Variants in OPHN1 observed in about 807,000 individuals in gnomAD.
OPHN1 encodes oligophrenin 1.
Under a neutral mutation model 60.7 loss-of-function variants are expected in OPHN1, and 11 were observed. That is an observed-to-expected ratio of 0.18 (90% CI 0.11 to 0.30). The LOEUF (loss-of-function observed/expected upper bound fraction) is 0.30, where lower values mean the gene tolerates loss of function less well. Among genes scored for constraint, OPHN1 ranks in the 10% least tolerant of loss-of-function variants. The pLI is 1.00. For synonymous variants in OPHN1, 226 were observed against 222.6 expected (o/e 1.02, Z -0.14); for missense variants, 449 against 611.0 (o/e 0.73, Z 2.80).
At chrX:68,338,026 A>C (rs916460799) in intron 2 of OPHN1, among the ~76,000 whole-genome samples, 3 of 111,061 alleles carry the variant, frequency 2.7e-5, no homozygotes, top group African/African-American at 9.8e-5. Context: ...TTTTTTATTT[A>C]TTTATTTTTT....
Position 68,195,333 on chromosome X carries a change from C to T in OPHN1, c.1105-835G>A, listed in dbSNP as rs192222146. Among the ~76,000 whole-genome samples, 16 of 111,898 alleles carry T rather than the reference C, an allele frequency of 1.4e-4. No homozygotes were observed. The East Asian group carries it at 4.0e-3, about 28-fold the overall frequency. On this transcript the variant is annotated intron_variant, in intron 12 of 24. Transcript: ENST00000355520. ...ACTTCTCTGTGGAAAGGCAAATGTC[C>T]ATCTGAAAGAGATCCATGAATACAC...
chrX:68,181,656 C>T (rs1049175503), intron 15 of OPHN1, among the ~76,000 whole-genome samples: 4 of 110,236 alleles, frequency 3.6e-5, no homozygotes, highest in African/African-American at 1.3e-4. Flanking sequence ...GAAACACTGT[C>T]TCTACTAAAA....
chrX:68,405,203 C>T (rs909592936), intron 2 of OPHN1, among the ~76,000 whole-genome samples: 1 of 112,087 alleles, frequency 8.9e-6, no homozygotes, highest in African/African-American at 3.2e-5. Flanking sequence ...CTAGTCTGCT[C>T]ATTACAGTCT....
At chrX:68,072,650 G>A (rs2076938968) in intron 20 of OPHN1, among the ~76,000 whole-genome samples, 1 of 111,331 alleles carries the variant, frequency 9.0e-6, no homozygotes, top group East Asian at 2.8e-4. Flanking sequence ...TAGGAGGGCA[G>A]AGGCACATTT....
chrX:68,191,315 T>C (rs988834242), intron 15 of OPHN1, among the ~76,000 whole-genome samples: 2 of 111,597 alleles, frequency 1.8e-5, no homozygotes, highest in Non-Finnish European at 3.8e-5. Context: ...TACCCGAGCA[T>C]GCTATATAAA....
At position 68,110,946 on chromosome X, in the gene OPHN1, C is replaced by T. The variant is rs779424602; in HGVS notation, c.1526+908G>A. Among the ~76,000 whole-genome samples the T allele has an allele frequency of 3.3e-3, 371 of 111,140 alleles. 3 individuals are homozygous for T. The highest frequency in any genetic ancestry group is 0.012 in the African/African-American group (362 of 30,628). On this transcript the variant is annotated intron_variant, in intron 18 of 24. Coordinates refer to ENST00000355520, the MANE Select transcript of OPHN1 (RefSeq NM_002547.3). Reference sequence around the variant, plus strand: ...ACTCAGGATTTATTACAGGGGGAGGCCAAAAGAGCCATTAACCTGGAAACT... The same window carrying T: ...ACTCAGGATTTATTACAGGGGGAGGTCAAAAGAGCCATTAACCTGGAAACT...
intron 4 of OPHN1, 89 bp downstream of exon 4, chrX:68,282,967 T>G: frequency 1.4e-6 from 1 of 695,019 alleles, no homozygotes; most frequent in East Asian, 3.4e-5. Flanking sequence ...GAAATCAAAA[T>G]AGTATAGGAT....
intron 10 of OPHN1, among the ~76,000 whole-genome samples, chrX:68,202,093 G>A (rs1255970411): frequency 3.6e-5 from 4 of 111,492 alleles, no homozygotes; most frequent in African/African-American, 1.3e-4. Context: ...TTGTGACGGG[G>A]TAAGTGGCTG....
chrX:68,186,883 C>T (rs970517469), intron 15 of OPHN1, among the ~76,000 whole-genome samples: 1 of 111,699 alleles, frequency 9.0e-6, no homozygotes, highest in Admixed American at 9.5e-5. Flanking sequence ...AATTACTCCA[C>T]AAAGGCCCCA....
chrX:68,381,118 C>G (rs1310749609), intron 2 of OPHN1, among the ~76,000 whole-genome samples: 1 of 111,647 alleles, frequency 9.0e-6, no homozygotes, highest in Admixed American at 9.6e-5. Context: ...TAAAGCTCTC[C>G]TTCTCTTAGG....
intron 20 of OPHN1, 96 bp from the exon 21 acceptor site, chrX:68,064,273 A>G (rs1717360284): frequency 1.2e-5 from 10 of 851,212 alleles, no homozygotes; most frequent in South Asian, 1.1e-4. Flanking sequence ...GAAAATTTGT[A>G]TACATTTTCA....
At chrX:68,366,556 G>A (rs1162209220) in intron 2 of OPHN1, among the ~76,000 whole-genome samples, 4 of 110,807 alleles carry the variant, frequency 3.6e-5, no homozygotes, top group Non-Finnish European at 7.6e-5. Context: ...GTGTCACTAT[G>A]TTGGCCAGGC....
intron 2 of OPHN1, among the ~76,000 whole-genome samples, chrX:68,380,869 A>G (rs1284427617): frequency 9.0e-6 from 1 of 111,677 alleles, no homozygotes; most frequent in Non-Finnish European, 1.9e-5. Flanking sequence ...CACCTTCTCA[A>G]ATAATCTTGA....
intron 2 of OPHN1, among the ~76,000 whole-genome samples, chrX:68,431,115 T>C (rs1854436301): frequency 9.0e-6 from 1 of 111,600 alleles, no homozygotes; most frequent in East Asian, 2.8e-4. Context: ...AGCTGAAACA[T>C]TCCTCCTTTT....
At chrX:68,205,975 T>A (rs867552811) in intron 10 of OPHN1, among the ~76,000 whole-genome samples, 2 of 49,631 alleles carry the variant, frequency 4.0e-5, no homozygotes, top group Admixed American at 2.9e-4. Context: ...TGTGAGTGTG[T>A]GTGAGTGTGT....
intron 15 of OPHN1, among the ~76,000 whole-genome samples, chrX:68,144,941 T>C (rs775965326): frequency 1.8e-5 from 2 of 111,928 alleles, no homozygotes; most frequent in African/African-American, 6.5e-5. Context: ...ATCCTTGATC[T>C]TGGCACAGGA....
chrX:68,074,788 A>G (rs192946197), intron 19 of OPHN1, among the ~76,000 whole-genome samples: 1 of 111,800 alleles, frequency 8.9e-6, no homozygotes, highest in East Asian at 2.8e-4. Context: ...GATTTTACAC[A>G]ACATAGAAGC....
rs756465438 is a variant in OPHN1 at position 68,385,423 on chromosome X, G to A, written c.154+47444C>T. 1.6e-3 allele frequency among the ~76,000 whole-genome samples: 180 copies of A among 111,807 alleles called. 1 individual carries two copies. The highest frequency in any genetic ancestry group is 5.5e-3 in the African/African-American group (170 of 30,829). ...TACCCACCCTCCCCCAGAAATAACT[G>A]GACAAAATAATTAAGATCTCAGCAA... On this transcript the variant is annotated intron_variant, in intron 2 of 24. Transcript: ENST00000355520.
intron 19 of OPHN1, among the ~76,000 whole-genome samples, chrX:68,092,916 C>A (rs1165260843): frequency 9.0e-6 from 1 of 111,145 alleles, no homozygotes; most frequent in Non-Finnish European, 1.9e-5. Flanking sequence ...TGAATTAGGA[C>A]ATTTAAGATG....
Sources: allele counts gnomAD v4.1 joint callset (sites outside exome capture counted in the v4.1 genomes callset), GRCh38; gene constraint gnomAD v4.1.1; transcripts MANE v1.5; gene names NCBI Gene and HGNC (gene_info 2026-07-23, HGNC 2026-07-21).